Variants in LRP1B observed in about 807,000 individuals in gnomAD.
LRP1B encodes the protein low-density lipoprotein receptor-related protein 1B.
LRP1B carries 217 observed loss-of-function variants against 556.6 expected under a neutral mutation model. The observed-to-expected ratio is 0.39, with a 90% CI of 0.35 to 0.44. The LOEUF (loss-of-function observed/expected upper bound fraction) is 0.44, where lower values mean the gene tolerates loss of function less well. LRP1B is among the 20% of genes least tolerant of loss of function. LRP1B has a pLI of 1.00. For synonymous variants in LRP1B, 2,047 were observed against 1,865.8 expected, an observed-to-expected ratio of 1.10 and a Z score of -2.50; for missense variants, 5,053 against 5,620.8, an observed-to-expected ratio of 0.90 and a Z score of 3.23.
intron 4 of LRP1B, 70 bp from the exon 5 acceptor site, chr2:141,247,424 ATAT>A: frequency 6.4e-7 from 1 of 1,569,532 alleles, no homozygotes; most frequent in Non-Finnish European, 8.7e-7. Context: ...CTTGAAGAAA[ATAT>A]TATTTTTGAA....
At chr2:140,948,906 G>A (rs1057260180) in intron 20 of LRP1B, among the ~76,000 whole-genome samples, 37 of 152,186 alleles carry the variant, frequency 2.4e-4, no homozygotes, top group Admixed American at 2.0e-3. Flanking sequence ...ACCTAGTATT[G>A]TAGATAATTT....
intron 66 of LRP1B, among the ~76,000 whole-genome samples, chr2:140,410,025 A>T (rs1684905064): frequency 6.6e-6 from 1 of 152,128 alleles, no homozygotes; most frequent in Non-Finnish European, 1.5e-5. Context: ...AAACTGCAAC[A>T]TATCTGCATC....
intron 3 of LRP1B, among the ~76,000 whole-genome samples, chr2:141,304,721 G>T (rs539433223): frequency 1.3e-5 from 2 of 151,296 alleles, no homozygotes; most frequent in Non-Finnish European, 1.5e-5. Context: ...GTCTGGTCTC[G>T]AACTCCTGAC....
At chr2:142,053,362 G>C (rs1198821120) in intron 1 of LRP1B, among the ~76,000 whole-genome samples, 2 of 152,082 alleles carry the variant, frequency 1.3e-5, no homozygotes. Flanking sequence ...AGGAATAAAA[G>C]AGCATAGCAG....
intron 3 of LRP1B, among the ~76,000 whole-genome samples, chr2:141,416,385 C>A (rs1391036894): frequency 6.6e-6 from 1 of 150,552 alleles, no homozygotes; most frequent in African/African-American, 2.4e-5. Flanking sequence ...TTAATTTAGG[C>A]AAGACATAAG....
chr2:141,617,819 G>A (rs77132597), intron 2 of LRP1B, among the ~76,000 whole-genome samples: 3,019 of 152,132 alleles, frequency 0.02, 97 homozygotes, highest in African/African-American at 0.066. Context: ...GTAGAGAGTG[G>A]TATAAAAACT....
chr2:141,429,330 G>A (rs1680483213), intron 3 of LRP1B, among the ~76,000 whole-genome samples: 1 of 151,986 alleles, frequency 6.6e-6, no homozygotes. Flanking sequence ...GCACTCCCAA[G>A]TAATAAAGTC....
intron 2 of LRP1B, among the ~76,000 whole-genome samples, chr2:141,749,798 A>T (rs1694044266): frequency 2.0e-5 from 3 of 152,138 alleles, no homozygotes; most frequent in African/African-American, 7.2e-5. Flanking sequence ...GCTCTAAATT[A>T]TGAACCTCCT....
intron 4 of LRP1B, among the ~76,000 whole-genome samples, chr2:141,252,130 T>C (rs1684285129): frequency 6.6e-6 from 1 of 151,980 alleles, no homozygotes; most frequent in Admixed American, 6.6e-5. Flanking sequence ...TCACCCTTTG[T>C]TGTAGCTGGC....
Position 141,518,323 on chromosome 2 carries a change from G to A in LRP1B, c.206-37790C>T, listed in dbSNP as rs549294536. Among the ~76,000 whole-genome samples the A allele has an allele frequency of 2.4e-4, 37 of 152,126 alleles. No homozygotes were observed. In the South Asian group the frequency reaches 7.3e-3, roughly 30 times the overall value. ...CAGGGATTTCCACTGTATTCTTAAG[G>A]TGAAGTCAGAGATTTGGTGAGTAAA... On this transcript the variant is annotated intron_variant, in intron 2 of 90. Transcript: ENST00000389484.
intron 2 of LRP1B, among the ~76,000 whole-genome samples, chr2:141,759,319 T>C (rs77210631): frequency 0.076 from 11,633 of 152,266 alleles, 549 homozygotes; most frequent in Middle Eastern, 0.12. Flanking sequence ...GCAACATTTA[T>C]TATATTGCAT....
intron 9 of LRP1B, among the ~76,000 whole-genome samples, 166 bp from the exon 10 acceptor site, chr2:141,055,425 C>G (rs1699152698): frequency 6.6e-6 from 1 of 151,794 alleles, no homozygotes. Flanking sequence ...GTGTAAACCC[C>G]ATAGAAGAGG....
intron 3 of LRP1B, among the ~76,000 whole-genome samples, chr2:141,272,058 C>A (rs1685111370): frequency 6.6e-6 from 1 of 151,960 alleles, no homozygotes; most frequent in Admixed American, 6.6e-5. Context: ...ATACAAAAAT[C>A]TTTCCTAACC....
chr2:142,072,317 G>A (rs369252559), intron 1 of LRP1B, among the ~76,000 whole-genome samples: 1 of 151,780 alleles, frequency 6.6e-6, no homozygotes, highest in East Asian at 1.9e-4. Flanking sequence ...ATTGCCCTTT[G>A]GGTAAATTCC....
chr2:140,879,375 A>C (rs1259807232), intron 25 of LRP1B, among the ~76,000 whole-genome samples: 1 of 152,186 alleles, frequency 6.6e-6, no homozygotes, highest in Non-Finnish European at 1.5e-5. Flanking sequence ...CACTAAAATA[A>C]GTGATCCCTT....
chr2:140,954,962 A>C (rs1695830159), intron 18 of LRP1B, among the ~76,000 whole-genome samples: 1 of 151,972 alleles, frequency 6.6e-6, no homozygotes, highest in Non-Finnish European at 1.5e-5. Context: ...GTACAGGAGG[A>C]AAGTTATTAA....
rs553117894 is a variant in LRP1B, at chr2:140,491,243, A to G, written c.9120+1365T>C. Reference sequence around the variant, plus strand: ...TCATGAAGATAATGAATATTGTTCTATATTAGTTAAACTTATGGTTCAGCT... The same window carrying G: ...TCATGAAGATAATGAATATTGTTCTGTATTAGTTAAACTTATGGTTCAGCT... On this transcript the variant is annotated intron_variant, in intron 57 of 90. Coordinates refer to ENST00000389484, the MANE Select transcript of LRP1B (RefSeq NM_018557.3). Among the ~76,000 whole-genome samples the G allele has an allele frequency of 3.3e-5, 5 of 152,264 alleles. No individual in the cohort carries two copies. In the South Asian group the frequency reaches 6.2e-4, roughly 19 times the overall value.
intron 14 of LRP1B, 135 bp downstream of exon 14, chr2:141,013,421 T>C (rs1352619757): frequency 1.5e-6 from 1 of 675,408 alleles, no homozygotes; most frequent in South Asian, 2.6e-5. Context: ...AAAATCTGAT[T>C]TGATTGACTT....
At position 141,185,690 on chromosome 2, in the gene LRP1B, AAAAAAAC is replaced by A. The variant is rs1558918975; in HGVS notation, c.1013+2724_1013+2730del. Among the ~76,000 whole-genome samples the A allele has an allele frequency of 6.8e-5, 10 of 146,830 alleles. 1 individual carries two copies. Among genetic ancestry groups the A allele is most frequent in the African/African-American group, 2.2e-4 (9 of 40,206 alleles). On this transcript the variant is annotated intron_variant, in intron 7 of 90. Coordinates refer to ENST00000389484, the MANE Select transcript of LRP1B (RefSeq NM_018557.3). ...GGAGAACTGAAAAACAAACAAACAA[AAAAAAAC>A]AAAAAAAAAAACAAGAACCAAAAAA...
Sources: allele counts gnomAD v4.1 joint callset (sites outside exome capture counted in the v4.1 genomes callset), GRCh38; gene constraint gnomAD v4.1.1; transcripts MANE v1.5; gene names NCBI Gene and HGNC (gene_info 2026-07-23, HGNC 2026-07-21).